OPA1: variants seen among roughly 807,000 people sequenced by gnomAD.
The protein encoded by OPA1 is dynamin-like GTPase OPA1, mitochondrial.
In OPA1, 59 loss-of-function variants were observed where a neutral mutation model predicts 152.9. The observed-to-expected ratio is 0.39, with a 90% CI of 0.31 to 0.48. The LOEUF (loss-of-function observed/expected upper bound fraction) is 0.48, where lower values mean the gene tolerates loss of function less well. OPA1 is among the 20% of genes least tolerant of loss of function. The pLI is 0.96. For missense variants in OPA1, 1,008 were observed against 1,216.8 expected (o/e 0.83, Z 2.55); for synonymous variants, 400 against 389.9 (o/e 1.03, Z -0.31).
chr3:193,635,986 T>C (rs1732867177), intron 9 of OPA1, among the ~76,000 whole-genome samples: 1 of 152,176 alleles, frequency 6.6e-6, no homozygotes, highest in Non-Finnish European at 1.5e-5. Context: ...TTCGAAAAAG[T>C]GTGTGCTGGT....
In OPA1 at chr3:193,647,183, A is replaced by G. The variant is rs981284925; in HGVS notation, c.1870+3A>G. 2.5e-6 allele frequency: 4 copies of G among 1,601,726 alleles called. No homozygotes were observed. The African/African-American group carries it at 5.4e-5, about 21-fold the overall frequency. On this transcript the variant is annotated splice_donor_region_variant and intron_variant, in intron 19 of 30. Transcript: ENST00000361510. ...ACAACAGGCTGATAGTTTCAAAGGT[A>G]AGTTGGATTTTTTAAAGAAGCAAGC...
intron 29 of OPA1, chr3:193,668,236 C>T (rs756654394): frequency 9.9e-7 from 1 of 1,009,718 alleles, no homozygotes; most frequent in Non-Finnish European, 1.5e-6. Context: ...TTCTAGTATC[C>T]TTAATATATT....
intron 29 of OPA1, among the ~76,000 whole-genome samples, chr3:193,687,436 T>G (rs189916559): frequency 3.3e-4 from 51 of 152,354 alleles, no homozygotes; most frequent in Non-Finnish European, 6.0e-4. Context: ...CCTGAGTTGG[T>G]TTAATTTACC....
At chr3:193,612,639 C>T (rs1173078909) in intron 1 of OPA1, among the ~76,000 whole-genome samples, 1 of 152,082 alleles carries the variant, frequency 6.6e-6, no homozygotes, top group Non-Finnish European at 1.5e-5. Context: ...TCTAAGTTTT[C>T]TTTAGTGAGG....
At chr3:193,646,762 G>T (rs1734706377) in intron 18 of OPA1, among the ~76,000 whole-genome samples, 1 of 152,118 alleles carries the variant, frequency 6.6e-6, no homozygotes, top group Non-Finnish European at 1.5e-5. Flanking sequence ...GACAGTGCAA[G>T]ATTCCAATTC....
chr3:193,658,654 C>T (rs556835800), intron 23 of OPA1, among the ~76,000 whole-genome samples: 1 of 152,268 alleles, frequency 6.6e-6, no homozygotes, highest in African/African-American at 2.4e-5. Context: ...ATATGGTTAG[C>T]TTGTTTAATT....
intron 29 of OPA1, among the ~76,000 whole-genome samples, chr3:193,684,960 G>A (rs946221867): frequency 6.6e-6 from 1 of 152,146 alleles, no homozygotes; most frequent in Non-Finnish European, 1.5e-5. Flanking sequence ...CTAGCCAAAA[G>A]GAGCCTAGTA....
chr3:193,694,379 A>G (rs369871079), intron 30 of OPA1, among the ~76,000 whole-genome samples: 9 of 152,346 alleles, frequency 5.9e-5, no homozygotes, highest in African/African-American at 2.2e-4. Context: ...ACAGTCATAC[A>G]CAGATTCTTC....
At position 193,668,220 on chromosome 3, in the gene OPA1, A is replaced by T. The variant is rs1717076642; in HGVS notation, c.2983+940A>T. 12 of 803,184 alleles carry T rather than the reference A, an allele frequency of 1.5e-5. No individual in the cohort carries two copies. The East Asian group carries it at 3.2e-4, about 22-fold the overall frequency. 49.8% of individuals were successfully genotyped at this position (803,184 alleles called of 1,614,324 possible). On this transcript the variant is annotated intron_variant, in intron 29 of 30. Coordinates refer to ENST00000361510, the MANE Select transcript of OPA1 (RefSeq NM_130837.3). Reference sequence around the variant, plus strand: ...TTGTCACTTGCTTTCCTGATAGAAAACGGGCTTCTAGTATCCTTAATATAT... The same window carrying T: ...TTGTCACTTGCTTTCCTGATAGAAATCGGGCTTCTAGTATCCTTAATATAT...
At chr3:193,637,054 T>A (rs1733053125) in intron 9 of OPA1, 141 bp from the exon 10 acceptor site, 4 of 508,790 alleles carry the variant, frequency 7.9e-6, no homozygotes, top group Admixed American at 3.5e-5. Context: ...ACGATGAAGA[T>A]GTATTTATGT....
chr3:193,604,865 A>G (rs1428730753), intron 1 of OPA1, among the ~76,000 whole-genome samples: 54 of 150,408 alleles, frequency 3.6e-4, no homozygotes, highest in Non-Finnish European at 3.0e-5. Flanking sequence ...CATCTCAAAA[A>G]AAAAAAAAAA....
In OPA1 at chr3:193,694,739, A is replaced by G. The variant is rs1356467313; in HGVS notation, c.*139A>G. The G allele has an allele frequency of 6.6e-6, 1 of 152,228 alleles. No homozygotes were observed. 9.4% of individuals were successfully genotyped at this position (152,228 alleles called of 1,614,324 possible). On this transcript the variant is annotated 3_prime_UTR_variant, in exon 31 of 31. Coordinates refer to ENST00000361510, the MANE Select transcript of OPA1 (RefSeq NM_130837.3). ...GTCATGGGATAAAAATAATCGATGT[A>G]TGTTACGGGCGCTTTAACCATCAGC...
chr3:193,652,373 C>A (rs757073042), intron 21 of OPA1, among the ~76,000 whole-genome samples: 1 of 151,426 alleles, frequency 6.6e-6, no homozygotes, highest in Non-Finnish European at 1.5e-5. Flanking sequence ...CAGAGTGAGA[C>A]CCTGTCTGAA....
intron 6 of OPA1, among the ~76,000 whole-genome samples, chr3:193,625,608 TGGAAACCTGTTCCTAG>T (rs1200041209): frequency 1.3e-5 from 2 of 152,118 alleles, no homozygotes; most frequent in African/African-American, 2.4e-5. Flanking sequence ...AACTTGATGA[TGGAAACCTGTTCCTAG>T]GGACCTTTAC....
chr3:193,634,311 T>C (rs1328047143), intron 8 of OPA1, among the ~76,000 whole-genome samples: 2 of 151,934 alleles, frequency 1.3e-5, no homozygotes, highest in African/African-American at 4.8e-5. Context: ...GACATATTAG[T>C]CTTCTTTAAA....
chr3:193,675,334 A>C (rs1030516105), intron 29 of OPA1, among the ~76,000 whole-genome samples: 1 of 118,902 alleles, frequency 8.4e-6, no homozygotes, highest in Non-Finnish European at 1.8e-5. Flanking sequence ...TAAGAAAAAA[A>C]AAAAAAAAAA....
At chr3:193,639,618 C>T (rs1733454397) in intron 11 of OPA1, among the ~76,000 whole-genome samples, 2 of 152,144 alleles carry the variant, frequency 1.3e-5, no homozygotes, top group African/African-American at 2.4e-5. Context: ...TAATGAAGAG[C>T]GGGGAGGAAC....
intron 5 of OPA1, chr3:193,618,579 A>G (rs1180874837): frequency 1.3e-5 from 5 of 379,862 alleles, no homozygotes; most frequent in African/African-American, 2.1e-5. Flanking sequence ...ACTCTCATGT[A>G]AAATAATCCT....
intron 29 of OPA1, among the ~76,000 whole-genome samples, chr3:193,673,144 G>A (rs1210275219): frequency 6.6e-6 from 1 of 152,150 alleles, no homozygotes; most frequent in Non-Finnish European, 1.5e-5. Context: ...TGAGATTTGG[G>A]CCTGGGTCTT....
Sources: allele counts gnomAD v4.1 joint callset (sites outside exome capture counted in the v4.1 genomes callset), GRCh38; gene constraint gnomAD v4.1.1; transcripts MANE v1.5; gene names NCBI Gene and HGNC (gene_info 2026-07-23, HGNC 2026-07-21).